The following TPH1 variants were observed in gnomAD, a reference collection of about 807,000 sequenced individuals.
The protein encoded by TPH1 is tryptophan 5-hydroxylase 1.
TPH1 carries 37 observed loss-of-function variants against 49.5 expected under a neutral mutation model. The ratio of observed to expected loss-of-function variants is 0.75; its 90% CI spans 0.58 to 0.98. The LOEUF is 0.98. Among genes scored for constraint, TPH1 ranks in the 50% least tolerant of loss-of-function variants. The pLI, the probability that TPH1 is intolerant of heterozygous loss-of-function variation, is 0.00. For missense variants in TPH1, 487 were observed against 523.6 expected (o/e 0.93, Z 0.68); for synonymous variants, 160 against 182.1 (o/e 0.88, Z 0.98).
chr11:18,038,114 G>T (rs1156956157), intron 2 of TPH1, among the ~76,000 whole-genome samples: 1 of 152,088 alleles, frequency 6.6e-6, no homozygotes, highest in Non-Finnish European at 1.5e-5. Context: ...AAGGGGAGTT[G>T]TGTCAAGAAA....
intron 1 of TPH1, among the ~76,000 whole-genome samples, chr11:18,044,936 G>A (rs574602934): frequency 5.3e-5 from 8 of 152,230 alleles, no homozygotes; most frequent in East Asian, 1.9e-4. Context: ...TTCCTACTGC[G>A]TCTCCTGGCC....
intron 1 of TPH1, among the ~76,000 whole-genome samples, chr11:18,043,638 C>A (rs1380140112): frequency 1.3e-5 from 2 of 151,964 alleles, no homozygotes; most frequent in African/African-American, 4.8e-5. Flanking sequence ...ACAACAACAA[C>A]AACAAAAACT....
chr11:18,044,182 A>G lies in TPH1; in HGVS notation c.-27+2059T>C, dbSNP rs890585657. Among the ~76,000 whole-genome samples, 8 of 152,264 alleles carry G rather than the reference A, an allele frequency of 5.3e-5. No individual in the cohort carries two copies. The South Asian group carries it at 6.2e-4, about 12-fold the overall frequency. ...TCACACCTGTAATTCCCAGCACTTT[A>G]GGAGGCCGAGGCGGGCGAATCATGA... On this transcript the variant is annotated intron_variant, in intron 1 of 10. Coordinates refer to ENST00000682019, the MANE Select transcript of TPH1 (RefSeq NM_004179.3).
At chr11:18,040,933 A>C in intron 1 of TPH1, 145 bp from the exon 2 acceptor site, 7 of 724,106 alleles carry the variant, frequency 9.7e-6, no homozygotes, top group African/African-American at 3.6e-5. Context: ...GCTTTGCAAG[A>C]ATCTAGTGAG....
intron 7 of TPH1, among the ~76,000 whole-genome samples, chr11:18,026,277 T>C (rs1189095774): frequency 6.6e-6 from 1 of 151,358 alleles, no homozygotes; most frequent in Non-Finnish European, 1.5e-5. Flanking sequence ...TAGCACCTAA[T>C]AGGTTGTCAA....
intron 6 of TPH1, among the ~76,000 whole-genome samples, chr11:18,026,923 C>T (rs1847934337): frequency 6.6e-6 from 1 of 152,142 alleles, no homozygotes; most frequent in Admixed American, 6.5e-5. Flanking sequence ...TGCCCAAGTC[C>T]ACACATTAGT....
At chr11:18,044,544 C>A (rs1288695066) in intron 1 of TPH1, among the ~76,000 whole-genome samples, 4 of 150,026 alleles carry the variant, frequency 2.7e-5, no homozygotes, top group African/African-American at 7.3e-5. Context: ...TTTTTTGTTC[C>A]CCCCCACCCC....
chr11:18,030,425 A>G (rs1847976084), intron 4 of TPH1, among the ~76,000 whole-genome samples: 1 of 151,958 alleles, frequency 6.6e-6, no homozygotes, highest in Non-Finnish European at 1.5e-5. Flanking sequence ...CTATCTTGAA[A>G]AAAAAAAAAA....
chr11:18,037,743 T>G (rs1461471578), intron 2 of TPH1, among the ~76,000 whole-genome samples: 1 of 152,114 alleles, frequency 6.6e-6, no homozygotes, highest in Non-Finnish European at 1.5e-5. Flanking sequence ...GGAAGAAAAA[T>G]ACGGTCTGGA....
At chr11:18,036,282 CCAA>C (rs1848047850) in intron 2 of TPH1, 140 bp from the exon 3 acceptor site, 2 of 668,880 alleles carry the variant, frequency 3.0e-6, no homozygotes, top group South Asian at 1.8e-5. Context: ...TTTAGTGCTG[CCAA>C]CAACAAAATA....
intron 3 of TPH1, among the ~76,000 whole-genome samples, chr11:18,034,596 G>A (rs529251325): frequency 7.2e-5 from 11 of 152,092 alleles, no homozygotes; most frequent in Non-Finnish European, 1.3e-4. Context: ...AGCCAGAAGT[G>A]GAGATATATC....
In TPH1 at chr11:18,025,701, T is replaced by C; in HGVS notation, c.804A>G (p.Pro268=). 2 of 1,613,932 alleles carry C rather than the reference T, an allele frequency of 1.2e-6. No individual in the cohort carries two copies. Among genetic ancestry groups the C allele is most frequent in the Non-Finnish European group, 8.5e-7 (1 of 1,179,832 alleles). ...HSSDPFYTPE[P]DTCHELLGHV... is the part of the protein sequence containing the mutation. ...GACCTAAGAGTTCATGGCAGGTATC[T>C]CTGAAAGAGAGGTACAAGTTTGTCA... The change falls in exon 8 of 11, where the codon CCA becomes CCG. Residue 268 remains proline (P), a splice_region_variant and synonymous_variant. Coordinates refer to ENST00000682019, the MANE Select transcript of TPH1 (RefSeq NM_004179.3).
chr11:18,027,118 A>T (rs1847936456), intron 6 of TPH1, among the ~76,000 whole-genome samples: 1 of 152,192 alleles, frequency 6.6e-6, no homozygotes, highest in Non-Finnish European at 1.5e-5. Flanking sequence ...TCTCTTGTAA[A>T]GTAGTCCCTT....
chr11:18,044,757 AAAC>A (rs201486829), intron 1 of TPH1, among the ~76,000 whole-genome samples: 10 of 125,972 alleles, frequency 7.9e-5, no homozygotes, highest in Non-Finnish European at 1.3e-4. Context: ...CAGGAAAACA[AAAC>A]AAAACAAAAC....
At chr11:18,037,019 T>C (rs1467404631) in intron 2 of TPH1, among the ~76,000 whole-genome samples, 1 of 151,824 alleles carries the variant, frequency 6.6e-6, no homozygotes, top group Non-Finnish European at 1.5e-5. Flanking sequence ...TAAGAGAGAG[T>C]AGAAAGTTTC....
chr11:18,023,895 T>C lies in TPH1; in HGVS notation c.1019A>G (p.Glu340Gly). ...AAGATTTGCAACTCTTACTTTGAGT[T>C]CACTGATAGAAGAAAGTAAGCCAGC... ...FGAGLLSSIS[E>G]LKHALSGHAK... The change falls in exon 9 of 11, where the codon GAA becomes GGA. Residue 340 changes from glutamate (E) to glycine (G), a missense_variant. By Grantham distance (98) the Glu-to-Gly change is moderately conservative. Transcript: ENST00000682019. 2 of 1,612,324 alleles carry C rather than the reference T, an allele frequency of 1.2e-6. No individual in the cohort carries two copies. Among genetic ancestry groups the C allele is most frequent in the Non-Finnish European group, 1.7e-6 (2 of 1,178,784 alleles).
intron 4 of TPH1, among the ~76,000 whole-genome samples, chr11:18,032,736 C>CG (rs1453994740): frequency 6.6e-6 from 1 of 151,044 alleles, no homozygotes; most frequent in Non-Finnish European, 1.5e-5. Flanking sequence ...TTAGTAGAGA[C>CG]GGGGTCTCAC....
At chr11:18,043,641 C>T (rs11024450) in intron 1 of TPH1, among the ~76,000 whole-genome samples, 18 of 151,904 alleles carry the variant, frequency 1.2e-4, no homozygotes, top group African/African-American at 4.4e-4. Flanking sequence ...ACAACAACAA[C>T]AAAAACTATT....
chr11:18,029,498 T>C lies in TPH1; in HGVS notation c.470+14A>G. On this transcript the variant is annotated intron_variant, in intron 5 of 10. Coordinates refer to ENST00000682019, the MANE Select transcript of TPH1 (RefSeq NM_004179.3). ...TTATCTCAAAGTTGACTATATTTTTTTAAATATACTTACTGTTTATAGTTC... is the reference window on the plus strand; with the variant it reads ...TTATCTCAAAGTTGACTATATTTTTCTAAATATACTTACTGTTTATAGTTC... The C allele has an allele frequency of 5.6e-6, 9 of 1,595,366 alleles. No individual in the cohort carries two copies. Among genetic ancestry groups the C allele is most frequent in the South Asian group, 1.1e-5 (1 of 90,122 alleles).
Sources: gnomAD v4.1 joint callset for allele counts (sites outside exome capture counted in the v4.1 genomes callset) on GRCh38, gnomAD v4.1.1 for gene constraint, MANE v1.5 for transcripts, NCBI Gene and HGNC (gene_info 2026-07-23, HGNC 2026-07-21) for gene names.